The following SLC9B1 variants were observed in gnomAD, a reference collection of about 807,000 sequenced individuals.
SLC9B1 encodes solute carrier family 9 member B1.
A neutral mutation model predicts 51.7 loss-of-function variants in SLC9B1; 32 were observed. The ratio of observed to expected loss-of-function variants is 0.62; its 90% confidence interval spans 0.47 to 0.83. The LOEUF (loss-of-function observed/expected upper bound fraction) is 0.83. Ranked by LOEUF, SLC9B1 falls within the 40% of genes least tolerant of loss-of-function variation. SLC9B1 has a pLI of 0.00. For missense variants in SLC9B1, 406 were observed against 613.2 expected (o/e 0.66, Z 3.57); for synonymous variants, 145 against 212.7 (o/e 0.68, Z 2.77).
At chr4:103,005,675 C>T (rs1740745908) in intron 1 of SLC9B1, among the ~76,000 whole-genome samples, 1 of 152,122 alleles carries the variant, frequency 6.6e-6, no homozygotes, top group Non-Finnish European at 1.5e-5. Context: ...CTGCACATGG[C>T]ACATACTGTA....
At chr4:102,997,620 T>C (rs552512613) in intron 1 of SLC9B1, among the ~76,000 whole-genome samples, 4 of 152,284 alleles carry the variant, frequency 2.6e-5, no homozygotes, top group Admixed American at 2.0e-4. Context: ...GTTTTATTTC[T>C]TCCTCTCTAA....
intron 1 of SLC9B1, among the ~76,000 whole-genome samples, chr4:102,994,166 T>G (rs187865943): frequency 2.6e-3 from 399 of 152,320 alleles, no homozygotes; most frequent in African/African-American, 9.1e-3. Context: ...TTTTTTCTAT[T>G]GCATCATCAG....
chr4:102,905,233 A>ATTTATTTATTTATTTATTTT (rs569004930), intron 11 of SLC9B1, among the ~76,000 whole-genome samples: 42 of 149,582 alleles, frequency 2.8e-4, no homozygotes, highest in Non-Finnish European at 3.4e-4. Context: ...TTATTTATTT[A>ATTTATTTATTTATTTATTTT]TTTTTTTGAG....
intron 1 of SLC9B1, among the ~76,000 whole-genome samples, chr4:103,018,628 A>G (rs1208422859): frequency 6.6e-6 from 1 of 151,000 alleles, no homozygotes; most frequent in Non-Finnish European, 1.5e-5. Flanking sequence ...CCACATCACC[A>G]AATCTGTTAT....
In SLC9B1 at chr4:102,923,743, A is replaced by T. The variant is rs182589550; in HGVS notation, c.829+8381T>A. ...GATACAAAATCAACGTGTAAAAATC[A>T]CAAGCATTCTTATACACCAATAACA... On this transcript the variant is annotated intron_variant, in intron 7 of 11. Coordinates refer to ENST00000296422, the MANE Select transcript of SLC9B1 (RefSeq NM_139173.4). Among the ~76,000 whole-genome samples the T allele has an allele frequency of 7.2e-5, 11 of 152,278 alleles. No homozygotes were observed. In the East Asian group the frequency reaches 2.1e-3, roughly 29 times the overall value.
chr4:102,984,672 G>A (rs1487563469), intron 3 of SLC9B1, among the ~76,000 whole-genome samples: 1 of 152,010 alleles, frequency 6.6e-6, no homozygotes. Context: ...TGCTCTTTTG[G>A]GATGAAGTAG....
At chr4:102,941,600 A>G in intron 6 of SLC9B1, 1 of 379,618 alleles carries the variant, frequency 2.6e-6, no homozygotes, top group Admixed American at 2.8e-5. Context: ...AGATTGGGCC[A>G]TTGTACTCTA....
At position 102,936,459 on chromosome 4, in the gene SLC9B1, T is replaced by C. The variant is rs573608632; in HGVS notation, c.654-4160A>G. Among the ~76,000 whole-genome samples the C allele has an allele frequency of 1.7e-4, 26 of 152,260 alleles. No homozygotes were observed. The South Asian group carries it at 5.0e-3, about 29-fold the overall frequency. On this transcript the variant is annotated intron_variant, in intron 6 of 11. Transcript: ENST00000296422. ...AGAATCTGGATAGAAACAAAGATCA[T>C]TGAGATTCAGAAGAAAGTCAAAATC...
chr4:103,000,103 C>G (rs371519728), intron 1 of SLC9B1, among the ~76,000 whole-genome samples: 1 of 152,290 alleles, frequency 6.6e-6, no homozygotes, highest in East Asian at 1.9e-4. Context: ...CCCCTTGATC[C>G]AGTCACCTTC....
At chr4:102,910,882 TC>T (rs1392923397) in intron 8 of SLC9B1, among the ~76,000 whole-genome samples, 1 of 152,162 alleles carries the variant, frequency 6.6e-6, no homozygotes, top group Non-Finnish European at 1.5e-5. Context: ...ATCTCCAGTT[TC>T]ATATAACATA....
intron 11 of SLC9B1, chr4:102,892,031 A>C (rs1345864181): frequency 6.6e-6 from 1 of 152,126 alleles, no homozygotes; most frequent in Non-Finnish European, 1.5e-5. Context: ...GCTATATTTG[A>C]TCATGTTCAG....
At chr4:102,895,078 C>CA (rs1255576545) in intron 11 of SLC9B1, among the ~76,000 whole-genome samples, 2 of 150,958 alleles carry the variant, frequency 1.3e-5, no homozygotes, top group Non-Finnish European at 1.5e-5. Flanking sequence ...AAAATTGTTC[C>CA]AAAAAAAAGA....
intron 4 of SLC9B1, 62 bp from the exon 5 acceptor site, chr4:102,946,851 G>A: frequency 9.6e-6 from 14 of 1,458,652 alleles, no homozygotes; most frequent in Non-Finnish European, 1.3e-5. Context: ...AAACGGAAAT[G>A]TTTACTTTCT....
chr4:102,989,791 T>C lies in SLC9B1; in HGVS notation c.211+9A>G. On this transcript the variant is annotated intron_variant, in intron 3 of 11. Transcript: ENST00000296422. ...TCTTCTCTTCATTTACATTTTTTGT[T>C]TCACATACCATTTGTAATAATTACA... The C allele has an allele frequency of 6.5e-7, 1 of 1,543,852 alleles. No homozygotes were observed. The highest frequency in any genetic ancestry group is 8.8e-7 in the Non-Finnish European group (1 of 1,140,788).
intron 1 of SLC9B1, among the ~76,000 whole-genome samples, chr4:102,997,196 A>G (rs1740271560): frequency 6.6e-6 from 1 of 152,136 alleles, no homozygotes; most frequent in Non-Finnish European, 1.5e-5. Context: ...ACATTTTAGG[A>G]CCAAGTTGTC....
chr4:102,978,953 C>T (rs1264083396), intron 3 of SLC9B1, among the ~76,000 whole-genome samples: 8 of 151,990 alleles, frequency 5.3e-5, no homozygotes, highest in South Asian at 4.2e-4. Context: ...CTTAATTTAC[C>T]GTACATGGTT....
chr4:102,906,340 G>T, intron 10 of SLC9B1, 196 bp downstream of exon 10: 1 of 350,258 alleles, frequency 2.9e-6, no homozygotes, highest in Non-Finnish European at 5.1e-6. Context: ...ATATATTCAG[G>T]GCTGTCCTTG....
At chr4:102,974,007 G>A (rs1422202765) in intron 3 of SLC9B1, among the ~76,000 whole-genome samples, 7 of 152,054 alleles carry the variant, frequency 4.6e-5, no homozygotes, top group African/African-American at 1.4e-4. Context: ...AGGTCAAGGC[G>A]GGCGGATTAC....
At chr4:103,018,802 GC>G (rs1483268412) in intron 1 of SLC9B1, among the ~76,000 whole-genome samples, 1 of 152,156 alleles carries the variant, frequency 6.6e-6, no homozygotes, top group Non-Finnish European at 1.5e-5. Flanking sequence ...CAACCCCTGG[GC>G]AGCAGACAGG....
Sources: allele counts gnomAD v4.1 joint callset (sites outside exome capture counted in the v4.1 genomes callset), GRCh38; gene constraint gnomAD v4.1.1; transcripts MANE v1.5; gene names NCBI Gene and HGNC (gene_info 2026-07-23, HGNC 2026-07-21).